The following CALCR variants were observed in gnomAD, a reference collection of about 807,000 sequenced individuals.
CALCR encodes calcitonin receptor.
A neutral mutation model predicts 59.5 loss-of-function variants in CALCR; 47 were observed. That is an observed-to-expected ratio of 0.79 (90% CI 0.63 to 1.01). The LOEUF (loss-of-function observed/expected upper bound fraction) is 1.01. Ranked by LOEUF, CALCR falls within the 50% of genes least tolerant of loss-of-function variation. CALCR has a pLI of 0.00. For missense variants in CALCR, 566 were observed against 597.1 expected, an observed-to-expected ratio of 0.95 and a Z score of 0.54; for synonymous variants, 213 against 211.3, an observed-to-expected ratio of 1.01 and a Z score of -0.07.
intron 2 of CALCR, among the ~76,000 whole-genome samples, chr7:93,496,268 A>G (rs1801200712): frequency 6.6e-6 from 1 of 151,500 alleles, no homozygotes; most frequent in African/African-American, 2.4e-5. Flanking sequence ...GAGATTTACT[A>G]TAGACATTAG....
chr7:93,443,417 C>T (rs1230748965), intron 9 of CALCR, among the ~76,000 whole-genome samples, 187 bp downstream of exon 9: 2 of 152,070 alleles, frequency 1.3e-5, no homozygotes, highest in African/African-American at 2.4e-5. Context: ...ATGTTCAGCA[C>T]AGTTGAGATT....
intron 2 of CALCR, among the ~76,000 whole-genome samples, chr7:93,546,392 C>A (rs142316405): frequency 6.6e-6 from 1 of 152,150 alleles, no homozygotes; most frequent in South Asian, 2.1e-4. Context: ...TTATTATGAT[C>A]CTCATTGAGA....
chr7:93,454,916 T>TTGTG (rs4015273), intron 8 of CALCR, among the ~76,000 whole-genome samples: 13,844 of 144,800 alleles, frequency 0.096, 1,421 homozygotes, highest in African/African-American at 0.25. Flanking sequence ...ACAGGGCATT[T>TTGTG]TGTGTGTGTG....
intron 2 of CALCR, among the ~76,000 whole-genome samples, chr7:93,500,696 G>T (rs916769322): frequency 1.3e-5 from 2 of 152,012 alleles, no homozygotes; most frequent in African/African-American, 4.8e-5. Flanking sequence ...TCCAGGACTT[G>T]CTCTTACGGA....
intron 2 of CALCR, among the ~76,000 whole-genome samples, chr7:93,570,317 G>T (rs1039117293): frequency 2.0e-5 from 3 of 152,080 alleles, no homozygotes; most frequent in Non-Finnish European, 4.4e-5. Context: ...TAATGTGACT[G>T]AATATTAGGA....
In CALCR at chr7:93,460,850, G is replaced by T; in HGVS notation, c.619C>A (p.Pro207Thr). 6.2e-7 allele frequency: 1 copy of T among 1,611,076 alleles called. No homozygotes were observed. Among genetic ancestry groups the T allele is most frequent in the Non-Finnish European group, 8.5e-7 (1 of 1,178,194 alleles). Reference protein sequence around the residue: ...IIIIHLVEVVPNGELVRRDPV... With the variant: ...IIIIHLVEVVTNGELVRRDPV... ...TCCCTTCGCACGAGCTCTCCATTGG[G>T]TACTACTTCAACCAGGTGGATGATG... Residue 207 changes from proline (P) to threonine (T), a missense_variant, in exon 8 of 14, where the codon CCC becomes ACC. By Grantham distance (38) the Pro-to-Thr change is conservative. Transcript: ENST00000426151.
chr7:93,534,958 C>T (rs777479706), intron 2 of CALCR, among the ~76,000 whole-genome samples: 1 of 151,690 alleles, frequency 6.6e-6, no homozygotes, highest in Non-Finnish European at 1.5e-5. Context: ...TGACTCTTAC[C>T]TTCATCTTAC....
At chr7:93,488,582 G>GAAAAA (rs1554401502) in intron 2 of CALCR, among the ~76,000 whole-genome samples, 36 of 77,952 alleles carry the variant, frequency 4.6e-4, no homozygotes, top group Non-Finnish European at 5.1e-4. Flanking sequence ...CAAATGGAAA[G>GAAAAA]AAAAAAAAAA....
At chr7:93,570,371 T>C (rs551535253) in intron 2 of CALCR, among the ~76,000 whole-genome samples, 1 of 152,102 alleles carries the variant, frequency 6.6e-6, no homozygotes, top group South Asian at 2.1e-4. Context: ...AAACTAGAGG[T>C]GTGGCAGCGA....
chr7:93,546,498 G>T (rs1321044683), intron 2 of CALCR, among the ~76,000 whole-genome samples: 2 of 152,000 alleles, frequency 1.3e-5, no homozygotes, highest in African/African-American at 4.8e-5. Context: ...TGGCCGCAGA[G>T]CCTGAAATGG....
chr7:93,433,774 T>A (rs1290732951), intron 13 of CALCR, among the ~76,000 whole-genome samples: 2 of 152,222 alleles, frequency 1.3e-5, no homozygotes, highest in African/African-American at 4.8e-5. Flanking sequence ...AATATTCACA[T>A]TGTAGATTAT....
At chr7:93,488,619 A>C (rs1185324937) in intron 2 of CALCR, among the ~76,000 whole-genome samples, 1 of 144,692 alleles carries the variant, frequency 6.9e-6, no homozygotes, top group Admixed American at 7.0e-5. Context: ...TTGCAATCCT[A>C]GTCTCTGACA....
At chr7:93,544,124 CTT>C (rs1789220101) in intron 2 of CALCR, among the ~76,000 whole-genome samples, 1 of 151,572 alleles carries the variant, frequency 6.6e-6, no homozygotes, top group African/African-American at 2.4e-5. Flanking sequence ...GAGATAGTAA[CTT>C]TTAATTTTGT....
intron 2 of CALCR, among the ~76,000 whole-genome samples, chr7:93,517,197 T>C (rs529914429): frequency 6.6e-6 from 1 of 151,916 alleles, no homozygotes; most frequent in Non-Finnish European, 1.5e-5. Flanking sequence ...CCTATCACGC[T>C]GCCAGGCACA....
intron 2 of CALCR, among the ~76,000 whole-genome samples, chr7:93,516,613 T>C (rs544908103): frequency 5.3e-5 from 8 of 151,992 alleles, no homozygotes; most frequent in Admixed American, 6.6e-5. Context: ...GGAACCATTA[T>C]GGCCAGTAGA....
At chr7:93,457,859 A>G (rs975470510) in intron 8 of CALCR, among the ~76,000 whole-genome samples, 3 of 151,862 alleles carry the variant, frequency 2.0e-5, no homozygotes, top group Non-Finnish European at 4.4e-5. Context: ...CAATAAATAA[A>G]GACAATCAAC....
intron 2 of CALCR, among the ~76,000 whole-genome samples, chr7:93,503,367 C>T (rs1801361062): frequency 6.6e-6 from 1 of 151,976 alleles, no homozygotes; most frequent in Non-Finnish European, 1.5e-5. Context: ...ATCATGAATA[C>T]ATATGCTTTT....
intron 12 of CALCR, among the ~76,000 whole-genome samples, chr7:93,435,097 G>A (rs969574391): frequency 5.3e-5 from 8 of 151,990 alleles, no homozygotes; most frequent in Non-Finnish European, 1.2e-4. Context: ...ATGGAACTAG[G>A]GCAGCCATTC....
chr7:93,503,743 T>G (rs2116012378), intron 2 of CALCR, among the ~76,000 whole-genome samples: 1 of 152,262 alleles, frequency 6.6e-6, no homozygotes, highest in Middle Eastern at 3.4e-3. Flanking sequence ...TTGTCTCACC[T>G]TAATTGCTTG....
Sources: gnomAD v4.1 joint callset for allele counts (sites outside exome capture counted in the v4.1 genomes callset) on GRCh38, gnomAD v4.1.1 for gene constraint, MANE v1.5 for transcripts, NCBI Gene and HGNC (gene_info 2026-07-23, HGNC 2026-07-21) for gene names.